Variants in TAF3 observed in about 807,000 individuals in gnomAD.
TAF3 encodes transcription initiation factor TFIID subunit 3.
TAF3 carries 7 observed loss-of-function variants against 80.6 expected under a neutral mutation model. The observed-to-expected ratio is 0.09, with a 90% confidence interval of 0.05 to 0.16. The LOEUF is 0.16. Among genes scored for constraint, TAF3 ranks in the 10% least tolerant of loss-of-function variants. The pLI, the probability that TAF3 is intolerant of heterozygous loss-of-function variation, is 1.00. For synonymous variants in TAF3, 444 were observed against 446.1 expected (o/e 1.00, Z 0.06); for missense variants, 921 against 1,140.2 (o/e 0.81, Z 2.77).
chr10:7,930,233 C>T (rs1480882033), intron 2 of TAF3, among the ~76,000 whole-genome samples: 1 of 152,034 alleles, frequency 6.6e-6, no homozygotes, highest in Non-Finnish European at 1.5e-5. Context: ...TAAGAGAAAT[C>T]CTAAAAGGCC....
At chr10:7,940,823 A>G (rs1837969019) in intron 2 of TAF3, among the ~76,000 whole-genome samples, 1 of 151,910 alleles carries the variant, frequency 6.6e-6, no homozygotes, top group Non-Finnish European at 1.5e-5. Context: ...TTAGCTGGGT[A>G]TGATGGTGCA....
At chr10:7,965,857 G>A (rs1007751824) in intron 3 of TAF3, 115 bp downstream of exon 3, 1 of 1,363,432 alleles carries the variant, frequency 7.3e-7, no homozygotes, top group Non-Finnish European at 9.5e-7. Context: ...TCACTTAAGT[G>A]GAAATATGTT....
intron 2 of TAF3, among the ~76,000 whole-genome samples, chr10:7,944,455 T>TA (rs1419786396): frequency 6.6e-6 from 1 of 151,822 alleles, no homozygotes; most frequent in Non-Finnish European, 1.5e-5. Flanking sequence ...GAGAAAGAAA[T>TA]AAAAAATGAA....
chr10:7,894,233 G>T (rs749009055), intron 2 of TAF3, among the ~76,000 whole-genome samples: 2 of 152,086 alleles, frequency 1.3e-5, no homozygotes, highest in Non-Finnish European at 2.9e-5. Flanking sequence ...CTACCCCTAA[G>T]CAATACAAAT....
chr10:7,994,403 C>A (rs1467999360), intron 4 of TAF3, among the ~76,000 whole-genome samples: 1 of 151,790 alleles, frequency 6.6e-6, no homozygotes, highest in Non-Finnish European at 1.5e-5. Flanking sequence ...TTATTCTAGG[C>A]CTTTACAAGG....
At chr10:7,950,025 C>A (rs965233399) in intron 2 of TAF3, among the ~76,000 whole-genome samples, 1 of 152,186 alleles carries the variant, frequency 6.6e-6, no homozygotes, top group Non-Finnish European at 1.5e-5. Context: ...GAAATCGTTT[C>A]TCTCATTTTT....
chr10:7,973,548 A>T (rs1831640684), intron 3 of TAF3, among the ~76,000 whole-genome samples: 1 of 152,206 alleles, frequency 6.6e-6, no homozygotes, highest in Admixed American at 6.5e-5. Flanking sequence ...AAAATGGAAA[A>T]GAAAGGAAAA....
At chr10:7,996,842 A>ATTTT (rs34866346) in intron 4 of TAF3, among the ~76,000 whole-genome samples, 6 of 131,922 alleles carry the variant, frequency 4.5e-5, no homozygotes, top group African/African-American at 1.7e-4. Context: ...ACCACACTCT[A>ATTTT]TTTTTTTTTT....
At chr10:7,994,977 G>GAAAAAAAAA (rs71287400) in intron 4 of TAF3, among the ~76,000 whole-genome samples, 8 of 97,562 alleles carry the variant, frequency 8.2e-5, no homozygotes, top group Non-Finnish European at 1.4e-4. Context: ...CTCAAAAAAA[G>GAAAAAAAAA]AAAAAAAAAA....
chr10:7,835,329 T>C (rs1564343595), intron 2 of TAF3, among the ~76,000 whole-genome samples: 1 of 152,062 alleles, frequency 6.6e-6, no homozygotes, highest in Non-Finnish European at 1.5e-5. Flanking sequence ...GGCTGTGGGT[T>C]GACAAGCTTG....
chr10:7,966,550 G>A (rs1473761556), intron 3 of TAF3, among the ~76,000 whole-genome samples: 1 of 151,998 alleles, frequency 6.6e-6, no homozygotes, highest in Non-Finnish European at 1.5e-5. Context: ...CAGCCGGCTG[G>A]GTTATTTGAA....
rs1294639579 is a variant in TAF3 at position 7,828,888 on chromosome 10, G to A, written c.409+4328G>A. 9.8e-5 allele frequency among the ~76,000 whole-genome samples: 9 copies of A among 91,678 alleles called. No homozygotes were observed. The East Asian group carries it at 5.0e-3, about 51-fold the overall frequency. The allele number at this position is 91,678 out of a possible 152,430, so 60.1% of individuals were successfully genotyped here. ...GCCTCTACTGAAAATACAAAAATTA[G>A]CTGGGTGTGGTGGTGCCTGTAGTCC... On this transcript the variant is annotated intron_variant, in intron 2 of 6. Coordinates refer to ENST00000344293, the MANE Select transcript of TAF3 (RefSeq NM_031923.4).
chr10:7,971,875 A>G (rs1193858997), intron 3 of TAF3, among the ~76,000 whole-genome samples: 4 of 152,212 alleles, frequency 2.6e-5, no homozygotes, highest in Non-Finnish European at 4.4e-5. Context: ...TTATATGACT[A>G]CTAGTATTAG....
chr10:7,932,881 T>C (rs534666070), intron 2 of TAF3, among the ~76,000 whole-genome samples: 1 of 152,100 alleles, frequency 6.6e-6, no homozygotes, highest in East Asian at 1.9e-4. Flanking sequence ...GATCTCAATA[T>C]ATTGCCCAGC....
chr10:7,885,372 T>G (rs1441306391), intron 2 of TAF3, among the ~76,000 whole-genome samples: 2 of 152,186 alleles, frequency 1.3e-5, no homozygotes, highest in Non-Finnish European at 2.9e-5. Flanking sequence ...TATTTCCATT[T>G]ATATTTCTTT....
intron 2 of TAF3, among the ~76,000 whole-genome samples, chr10:7,940,672 T>A (rs1023779374): frequency 6.6e-6 from 1 of 152,182 alleles, no homozygotes; most frequent in Non-Finnish European, 1.5e-5. Context: ...AATAACATAG[T>A]GGCCAGGCAT....
At chr10:7,835,229 C>T (rs1192314755) in intron 2 of TAF3, among the ~76,000 whole-genome samples, 1 of 152,162 alleles carries the variant, frequency 6.6e-6, no homozygotes, top group Non-Finnish European at 1.5e-5. Context: ...AAAAAAAAGT[C>T]ACACACAAAA....
At chr10:7,918,615 CA>C (rs1383074153) in intron 2 of TAF3, among the ~76,000 whole-genome samples, 2 of 152,090 alleles carry the variant, frequency 1.3e-5, no homozygotes, top group Non-Finnish European at 2.9e-5. Flanking sequence ...GCGGATGCAC[CA>C]GGGGGCAGGC....
intron 2 of TAF3, among the ~76,000 whole-genome samples, chr10:7,907,895 A>C (rs559462995): frequency 1.3e-5 from 2 of 152,320 alleles, no homozygotes; most frequent in African/African-American, 4.8e-5. Flanking sequence ...GAGCTAGTGA[A>C]GTGGGCTCTG....
Sources: gnomAD v4.1 joint callset for allele counts (sites outside exome capture counted in the v4.1 genomes callset) on GRCh38, gnomAD v4.1.1 for gene constraint, MANE v1.5 for transcripts, NCBI Gene and HGNC (gene_info 2026-07-23, HGNC 2026-07-21) for gene names.